The following EML4 variants were observed in gnomAD, a reference collection of about 807,000 sequenced individuals.
EML4 encodes echinoderm microtubule-associated protein-like 4.
In EML4, 72 loss-of-function variants were observed where a neutral mutation model predicts 129.0. That is an observed-to-expected ratio of 0.56 (90% CI 0.46 to 0.68). The LOEUF (loss-of-function observed/expected upper bound fraction) is 0.68, where lower values mean the gene tolerates loss of function less well. Among genes scored for constraint, EML4 ranks in the 30% least tolerant of loss-of-function variants. The pLI is 0.00. For missense variants in EML4, 1,363 were observed against 1,190.6 expected (o/e 1.14, Z -2.13); for synonymous variants, 532 against 405.0 (o/e 1.31, Z -3.77).
chr2:42,221,184 G>T (rs375864426), intron 1 of EML4, among the ~76,000 whole-genome samples: 5 of 152,024 alleles, frequency 3.3e-5, no homozygotes, highest in Non-Finnish European at 7.4e-5. Context: ...ATGTTACCCA[G>T]TACTTTCATA....
chr2:42,176,105 A>T (rs1670587721), intron 1 of EML4, among the ~76,000 whole-genome samples: 1 of 151,692 alleles, frequency 6.6e-6, no homozygotes, highest in Non-Finnish European at 1.5e-5. Flanking sequence ...CCTGAATCTG[A>T]ACTTCTCTCC....
Position 42,326,157 on chromosome 2 carries a change from A to T in EML4, c.2246A>T (p.Asp749Val), listed in dbSNP as rs1669801296. The change falls in exon 21 of 23, where the codon GAC becomes GTC. Residue 749 changes from aspartate (D) to valine (V), a missense_variant. By Grantham distance (152) the Asp-to-Val change is radical. Coordinates refer to ENST00000318522, the MANE Select transcript of EML4 (RefSeq NM_019063.5). ...CTTCCTGTTTCTAAATTTAAAGGGG[A>T]CATTCCAAATGGCTGCAAACTAATC... ...NSGDYEILYW[D>V]IPNGCKLIRN... 6.2e-7 allele frequency: 1 copy of T among 1,613,336 alleles called. No individual in the cohort carries two copies. Among genetic ancestry groups the T allele is most frequent in the Non-Finnish European group, 8.5e-7 (1 of 1,179,652 alleles).
At chr2:42,239,535 A>G (rs1674882901) in intron 1 of EML4, among the ~76,000 whole-genome samples, 1 of 152,228 alleles carries the variant, frequency 6.6e-6, no homozygotes, top group Non-Finnish European at 1.5e-5. Flanking sequence ...TAAATAGATC[A>G]GACTGATAGT....
chr2:42,325,529 C>T lies in EML4; in HGVS notation c.2217C>T (p.Asn739=). Residue 739 remains asparagine (N), a synonymous_variant, in exon 20 of 23, where the codon AAC becomes AAT. Transcript: ENST00000318522. Reference sequence around the variant, plus strand: ...CAGACAACAAGTATATAATGTCTAACTCGGGAGACTATGAAATATTGTACT... The same window carrying T: ...CAGACAACAAGTATATAATGTCTAATTCGGGAGACTATGAAATATTGTACT... ...WSPDNKYIMS[N]SGDYEILYWD... is the part of the protein sequence containing the mutation. The T allele has an allele frequency of 6.5e-7, 1 of 1,534,880 alleles. No homozygotes were observed. The highest frequency in any genetic ancestry group is 8.9e-7 in the Non-Finnish European group (1 of 1,121,468).
intron 6 of EML4, among the ~76,000 whole-genome samples, chr2:42,269,742 C>T (rs1666264338): frequency 6.6e-6 from 1 of 152,166 alleles, no homozygotes; most frequent in South Asian, 2.1e-4. Context: ...CAGGAACTTT[C>T]TTGCTCTATT....
intron 6 of EML4, among the ~76,000 whole-genome samples, chr2:42,267,430 C>G (rs139132029): frequency 8.5e-5 from 13 of 152,184 alleles, no homozygotes; most frequent in African/African-American, 3.1e-4. Context: ...TTTTGACATT[C>G]TTTTTAAAAT....
At chr2:42,206,514 T>C (rs1432664323) in intron 1 of EML4, among the ~76,000 whole-genome samples, 1 of 152,236 alleles carries the variant, frequency 6.6e-6, no homozygotes, top group Non-Finnish European at 1.5e-5. Flanking sequence ...GCACCCAGCC[T>C]GCATTTAGTT....
At chr2:42,226,279 T>C (rs1673950701) in intron 1 of EML4, among the ~76,000 whole-genome samples, 1 of 152,110 alleles carries the variant, frequency 6.6e-6, no homozygotes, top group African/African-American at 2.4e-5. Flanking sequence ...TGGGGAGATG[T>C]TGGCCAGAAG....
intron 6 of EML4, among the ~76,000 whole-genome samples, chr2:42,271,548 C>T (rs1278840483): frequency 6.6e-6 from 1 of 152,172 alleles, no homozygotes; most frequent in Non-Finnish European, 1.5e-5. Context: ...AGAACATGTT[C>T]TTGACATCCT....
intron 1 of EML4, among the ~76,000 whole-genome samples, chr2:42,170,473 G>A (rs1670204134): frequency 6.6e-6 from 1 of 152,228 alleles, no homozygotes; most frequent in Non-Finnish European, 1.5e-5. Flanking sequence ...TTGTGGAATG[G>A]AGAAAGGGAA....
At chr2:42,169,672 A>T in intron 1 of EML4, 36 bp downstream of exon 1, 1 of 1,593,536 alleles carries the variant, frequency 6.3e-7, no homozygotes, top group Non-Finnish European at 8.5e-7. Flanking sequence ...TCTTCTGCGA[A>T]GGGTAGGAAC....
chr2:42,293,584 C>G (rs1168004608), intron 11 of EML4, among the ~76,000 whole-genome samples: 1 of 152,034 alleles, frequency 6.6e-6, no homozygotes, highest in South Asian at 2.1e-4. Context: ...TTATTTTTAA[C>G]TCGGTTCATA....
chr2:42,328,819 CAT>C, intron 21 of EML4, 65 bp from the exon 22 acceptor site: 1 of 1,251,106 alleles, frequency 8.0e-7, no homozygotes, highest in Non-Finnish European at 1.1e-6. Context: ...ATAAAATAAA[CAT>C]ATATAGCATC....
intron 19 of EML4, among the ~76,000 whole-genome samples, chr2:42,320,368 C>CAAA (rs1669457778): frequency 6.6e-6 from 1 of 151,540 alleles, no homozygotes; most frequent in Non-Finnish European, 1.5e-5. Context: ...GCTCCAGAGT[C>CAAA]ATCTGACCTA....
chr2:42,263,327 A>G (rs571318886), intron 5 of EML4, 21 bp downstream of exon 5: 55 of 1,589,792 alleles, frequency 3.5e-5, no homozygotes, highest in Admixed American at 1.4e-4. Flanking sequence ...CACTTTCTTC[A>G]TTATATCTGA....
At position 42,253,824 on chromosome 2, in the gene EML4, T is replaced by C. The variant is rs141217243; in HGVS notation, c.209-2677T>C. On this transcript the variant is annotated intron_variant, in intron 2 of 22. Transcript: ENST00000318522. The stretch of plus-strand genomic sequence containing the variant: ...ACCTCAATGTAAGGGCTAAAACTTA[T>C]GTAAGAAAGATCTTAGTGACCTTGA... Among the ~76,000 whole-genome samples the C allele has an allele frequency of 4.6e-3, 708 of 152,304 alleles. 5 individuals carry two copies. Among genetic ancestry groups the C allele is most frequent in the African/African-American group, 0.016 (681 of 41,566 alleles).
intron 17 of EML4, 120 bp from the exon 18 acceptor site, chr2:42,315,842 C>A: frequency 7.3e-6 from 5 of 686,688 alleles, no homozygotes; most frequent in Non-Finnish European, 1.3e-5. Flanking sequence ...AGGATCACTC[C>A]ATGCACACCA....
chr2:42,197,885 A>G (rs1159653547), intron 1 of EML4, among the ~76,000 whole-genome samples: 4 of 152,228 alleles, frequency 2.6e-5, no homozygotes, highest in South Asian at 2.1e-4. Flanking sequence ...AATTAGAAGC[A>G]TAATATATAT....
Position 42,295,268 on chromosome 2 carries a change from C to G in EML4, c.1353+9C>G, listed in dbSNP as rs1415000018. 1.2e-6 allele frequency: 2 copies of G among 1,612,306 alleles called. No individual in the cohort carries two copies. Among genetic ancestry groups the G allele is most frequent in the South Asian group, 1.1e-5 (1 of 90,556 alleles). On this transcript the variant is annotated intron_variant, in intron 12 of 22. Transcript: ENST00000318522. ...AACAGGGAATTTTTGGGGTAAGAAT[C>G]AGATTGTTTTAATGTCATTAGGTGT...
Sources: gnomAD v4.1 joint callset for allele counts (sites outside exome capture counted in the v4.1 genomes callset) on GRCh38, gnomAD v4.1.1 for gene constraint, MANE v1.5 for transcripts, NCBI Gene and HGNC (gene_info 2026-07-23, HGNC 2026-07-21) for gene names.